TRHDE: variants seen among roughly 807,000 people sequenced by gnomAD.
The protein encoded by TRHDE is thyrotropin-releasing hormone-degrading ectoenzyme.
TRHDE carries 72 observed loss-of-function variants against 125.7 expected under a neutral mutation model. The observed-to-expected ratio is 0.57, with a 90% CI of 0.47 to 0.70. The LOEUF is 0.70. Among genes scored for constraint, TRHDE ranks in the 30% least tolerant of loss-of-function variants. The pLI is 0.00. For synonymous variants in TRHDE, 509 were observed against 509.1 expected (o/e 1.00, Z 0.00); for missense variants, 1,110 against 1,327.1 (o/e 0.84, Z 2.54).
In TRHDE at chr12:72,220,986, A is replaced by G. The variant is rs532031288; in HGVS notation, n.279+115234A>G. 1.2e-4 allele frequency among the ~76,000 whole-genome samples: 18 copies of G among 152,234 alleles called. No individual in the cohort carries two copies. In the East Asian group the frequency reaches 2.5e-3, roughly 21 times the overall value. ...AACTTTTTTCTGAAATCTTTAGCCA[A>G]TGAAACAAGAGAAGATAATGAAATG... On this transcript the variant is annotated intron_variant and non_coding_transcript_variant, in intron 2 of 4. Transcript: ENST00000548156.
intron 2 of TRHDE, among the ~76,000 whole-genome samples, chr12:72,327,216 T>C (rs1416945897): frequency 6.6e-6 from 1 of 152,140 alleles, no homozygotes; most frequent in Non-Finnish European, 1.5e-5. Flanking sequence ...GAGCAGGAAC[T>C]CTAATTAGTG....
intron 2 of TRHDE, among the ~76,000 whole-genome samples, chr12:72,359,680 G>GT (rs1870980176): frequency 6.6e-6 from 1 of 151,634 alleles, no homozygotes; most frequent in Non-Finnish European, 1.5e-5. Context: ...ATTCCAAGGG[G>GT]ATAAATGCTA....
intron 2 of TRHDE, among the ~76,000 whole-genome samples, chr12:72,224,663 A>G (rs1023041540): frequency 9.9e-5 from 15 of 152,106 alleles, no homozygotes; most frequent in Non-Finnish European, 2.1e-4. Flanking sequence ...CTGGATTGCC[A>G]TTATGAGCTA....
chr12:72,634,853 A>G (rs532163164), intron 15 of TRHDE, among the ~76,000 whole-genome samples: 183 of 152,014 alleles, frequency 1.2e-3, no homozygotes, highest in African/African-American at 4.2e-3. Flanking sequence ...ATGGCTGCAT[A>G]GTATTCCATG....
rs116293039 is a variant in TRHDE, at chr12:72,308,668, A to G, written c.1188+21714A>G. Among the ~76,000 whole-genome samples the G allele has an allele frequency of 3.9e-3, 589 of 152,294 alleles. 4 individuals carry two copies. Among genetic ancestry groups the G allele is most frequent in the African/African-American group, 0.013 (535 of 41,556 alleles). On this transcript the variant is annotated intron_variant, in intron 2 of 18. Coordinates refer to ENST00000261180, the MANE Select transcript of TRHDE (RefSeq NM_013381.3). The stretch of plus-strand genomic sequence containing the variant: ...TTTTATTGTGTAATAATTTAATGTT[A>G]TACACTCATTTTTTAAAATAGAAGA...
intron 1 of TRHDE, among the ~76,000 whole-genome samples, chr12:72,091,733 C>T (rs1408596632): frequency 1.3e-5 from 2 of 152,168 alleles, no homozygotes; most frequent in Non-Finnish European, 2.9e-5. Flanking sequence ...ACTGGGTATG[C>T]CACCCAGAAG....
At chr12:72,622,214 T>C (rs1744380959) in intron 15 of TRHDE, among the ~76,000 whole-genome samples, 1 of 152,122 alleles carries the variant, frequency 6.6e-6, no homozygotes, top group Admixed American at 6.6e-5. Context: ...CCTTTTTCAG[T>C]GACCCTTGAC....
intron 12 of TRHDE, among the ~76,000 whole-genome samples, chr12:72,612,475 G>C (rs1417657623): frequency 6.6e-6 from 1 of 152,134 alleles, no homozygotes; most frequent in South Asian, 2.1e-4. Flanking sequence ...TGCCTCATGG[G>C]GTAGAACCAG....
chr12:72,284,808 CTAGCTT>C (rs1879820141), intron 1 of TRHDE, among the ~76,000 whole-genome samples: 1 of 152,166 alleles, frequency 6.6e-6, no homozygotes, highest in Non-Finnish European at 1.5e-5. Context: ...AATATTGCTT[CTAGCTT>C]TAACCTCATA....
At chr12:72,442,538 C>T (rs2135857543) in intron 3 of TRHDE, among the ~76,000 whole-genome samples, 1 of 151,528 alleles carries the variant, frequency 6.6e-6, no homozygotes, top group East Asian at 1.9e-4. Flanking sequence ...GTTATTGATC[C>T]TTCTTTCATT....
chr12:72,154,003 G>T (rs962809096), intron 2 of TRHDE, among the ~76,000 whole-genome samples: 16 of 142,404 alleles, frequency 1.1e-4, no homozygotes, highest in African/African-American at 3.9e-4. Flanking sequence ...GGGTGTTAAA[G>T]TCTCCCATTA....
At position 72,581,161 on chromosome 12, in the gene TRHDE, G is replaced by T. The variant is rs904595460; in HGVS notation, c.2321+5619G>T. ...AGAGATTTGAGATTTCTCTGGAGTG[G>T]AATTGGCAGCCAGATAAGGTGAAAA... is the stretch of plus-strand genomic sequence containing the variant. On this transcript the variant is annotated intron_variant, in intron 12 of 18. Transcript: ENST00000261180. Among the ~76,000 whole-genome samples the T allele has an allele frequency of 5.9e-5, 9 of 152,322 alleles. No individual in the cohort carries two copies. In the East Asian group the frequency reaches 1.7e-3, roughly 29 times the overall value.
intron 3 of TRHDE, among the ~76,000 whole-genome samples, chr12:72,388,631 T>C (rs1330775561): frequency 6.6e-6 from 1 of 152,176 alleles, no homozygotes; most frequent in Non-Finnish European, 1.5e-5. Context: ...TGCTGTACCT[T>C]ATAAACTACC....
intron 3 of TRHDE, among the ~76,000 whole-genome samples, chr12:72,440,892 A>G (rs1194650984): frequency 2.0e-5 from 3 of 151,932 alleles, no homozygotes; most frequent in Non-Finnish European, 4.4e-5. Flanking sequence ...ATTTACTTCA[A>G]CTGCAAAAGA....
chr12:72,258,594 A>G (rs965152032), intron 2 of TRHDE, among the ~76,000 whole-genome samples: 1 of 152,196 alleles, frequency 6.6e-6, no homozygotes, highest in Non-Finnish European at 1.5e-5. Flanking sequence ...ATAAATTTGC[A>G]TGAACAGTAT....
chr12:72,352,527 T>G (rs1362581631), intron 2 of TRHDE, among the ~76,000 whole-genome samples: 1 of 151,832 alleles, frequency 6.6e-6, no homozygotes, highest in East Asian at 1.9e-4. Context: ...ACTTTTGTAC[T>G]GAATAATACT....
At chr12:72,176,073 C>T (rs1199169304) in intron 2 of TRHDE, among the ~76,000 whole-genome samples, 2 of 152,134 alleles carry the variant, frequency 1.3e-5, no homozygotes, top group Non-Finnish European at 2.9e-5. Context: ...AATTTCTGGT[C>T]CGGCCAGGTA....
upstream of TRHDE, among the ~76,000 whole-genome samples, chr12:72,268,550 G>A (rs1252627719): frequency 6.6e-6 from 1 of 152,070 alleles, no homozygotes; most frequent in African/African-American, 2.4e-5. Context: ...TCAGGATCTA[G>A]TTCTTTCCCC....
intron 10 of TRHDE, among the ~76,000 whole-genome samples, chr12:72,572,804 G>C (rs1870809886): frequency 6.6e-6 from 1 of 151,852 alleles, no homozygotes; most frequent in African/African-American, 2.4e-5. Flanking sequence ...ATATCTATAA[G>C]TTGTTGAAAT....
Sources: gnomAD v4.1 joint callset for allele counts (sites outside exome capture counted in the v4.1 genomes callset) on GRCh38, gnomAD v4.1.1 for gene constraint, MANE v1.5 for transcripts, NCBI Gene and HGNC (gene_info 2026-07-23, HGNC 2026-07-21) for gene names.